Variants in ACSL5 observed in about 807,000 individuals in gnomAD.
ACSL5 encodes the protein acyl-CoA synthetase long chain family member 5.
In ACSL5, 50 loss-of-function variants were observed where a neutral mutation model predicts 84.9. The observed-to-expected ratio is 0.59, with a 90% confidence interval of 0.47 to 0.75. The LOEUF (loss-of-function observed/expected upper bound fraction) is 0.75. Ranked by LOEUF, ACSL5 falls within the 30% of genes least tolerant of loss-of-function variation. The pLI is 0.00. For missense variants in ACSL5, 775 were observed against 830.4 expected (o/e 0.93, Z 0.82); for synonymous variants, 280 against 300.7 (o/e 0.93, Z 0.71).
rs763966750 is a variant in ACSL5, at chr10:112,412,018, G to GTCC, written c.948+41_948+43dup. 6 of 1,543,960 alleles carry GTCC rather than the reference G, an allele frequency of 3.9e-6. No homozygotes were observed. In the African/African-American group the frequency reaches 5.4e-5, roughly 14 times the overall value. ...GTTCCTAGCAGTATGTGGCAAGGGG[G>GTCC]TCCTGACTTGCTATCACATGTTTAT... On this transcript the variant is annotated intron_variant, in intron 11 of 20. Coordinates refer to ENST00000354655, the MANE Select transcript of ACSL5 (RefSeq NM_203379.2).
At chr10:112,381,089 T>C (rs1265589214) in intron 1 of ACSL5, among the ~76,000 whole-genome samples, 1 of 152,146 alleles carries the variant, frequency 6.6e-6, no homozygotes, top group Non-Finnish European at 1.5e-5. Context: ...TCCTTGCCCC[T>C]GGAAAGAGAC....
intron 1 of ACSL5, among the ~76,000 whole-genome samples, chr10:112,388,744 G>A (rs1849501907): frequency 1.3e-5 from 2 of 152,166 alleles, no homozygotes; most frequent in African/African-American, 4.8e-5. Context: ...AGAGAACAAA[G>A]TCCATGACAC....
intron 18 of ACSL5, 114 bp downstream of exon 18, chr10:112,425,595 T>TAAA (rs71489969): frequency 0.012 from 6,230 of 536,354 alleles, 14 homozygotes; most frequent in Non-Finnish European, 0.013. Context: ...CTTATAAAAC[T>TAAA]AAAAAAAAAA....
intron 3 of ACSL5, among the ~76,000 whole-genome samples, chr10:112,401,786 C>CTCTTTCTTTCTTTCTTTCTTTCTTTCTT (rs1178224793): frequency 8.4e-6 from 1 of 119,394 alleles, no homozygotes; most frequent in Admixed American, 8.0e-5. Context: ...TTCTTTCTTT[C>CTCTTTCTTTCTTTCTTTCTTTCTTTCTT]TCTTTCTTTC....
chr10:112,381,213 T>C (rs1849341835), intron 1 of ACSL5, among the ~76,000 whole-genome samples: 1 of 152,150 alleles, frequency 6.6e-6, no homozygotes, highest in African/African-American at 2.4e-5. Flanking sequence ...TTCAAAACCA[T>C]GAGCTCACTG....
At chr10:112,420,711 C>A (rs571534670) in intron 14 of ACSL5, among the ~76,000 whole-genome samples, 5 of 151,666 alleles carry the variant, frequency 3.3e-5, no homozygotes, top group African/African-American at 1.2e-4. Context: ...ATTTTCTTTT[C>A]TTTTTTTTCT....
intron 12 of ACSL5, among the ~76,000 whole-genome samples, chr10:112,414,665 G>C (rs933462017): frequency 6.6e-6 from 1 of 152,078 alleles, no homozygotes; most frequent in African/African-American, 2.4e-5. Context: ...CATCGTGGCA[G>C]TTGGGAAACC....
At chr10:112,406,931 G>A (rs1564738166) in intron 5 of ACSL5, among the ~76,000 whole-genome samples, 1 of 152,140 alleles carries the variant, frequency 6.6e-6, no homozygotes, top group Non-Finnish European at 1.5e-5. Flanking sequence ...CCTAAGACCT[G>A]GAAGAAGAGG....
At chr10:112,404,596 T>G in intron 4 of ACSL5, 21 bp downstream of exon 4, 1 of 1,610,644 alleles carries the variant, frequency 6.2e-7, no homozygotes, top group Non-Finnish European at 8.5e-7. Flanking sequence ...TCCATGTTTT[T>G]AGACAGATTC....
In ACSL5 at chr10:112,404,793, A is replaced by C. The variant is rs1843992215; in HGVS notation, c.419A>C (p.Gln140Pro). 9.3e-6 allele frequency: 15 copies of C among 1,613,114 alleles called. No homozygotes were observed. Among genetic ancestry groups the C allele is most frequent in the Non-Finnish European group, 1.3e-5 (15 of 1,179,280 alleles). The change falls in exon 5 of 21, where the codon CAG becomes CCG. Residue 140 changes from glutamine to proline, a missense_variant. Gln to Pro is a moderately conservative substitution (Grantham distance 76). Coordinates refer to ENST00000354655, the MANE Select transcript of ACSL5 (RefSeq NM_203379.2). ...SPDQFVGIFA[Q>P]NRPEWIISEL... ...GACCAGTTTGTCGGCATCTTTGCTCAGAATAGGCCAGAGGTAACTATGTTG... is the reference window on the plus strand; with the variant it reads ...GACCAGTTTGTCGGCATCTTTGCTCCGAATAGGCCAGAGGTAACTATGTTG...
chr10:112,376,409 CA>C, intron 1 of ACSL5: 1 of 1,614,114 alleles, frequency 6.2e-7, no homozygotes, highest in Non-Finnish European at 8.5e-7. Context: ...GGGAAGCCCC[CA>C]TTCACTAGAA....
intron 1 of ACSL5, among the ~76,000 whole-genome samples, chr10:112,386,176 T>G (rs1849447284): frequency 7.1e-6 from 1 of 140,124 alleles, no homozygotes; most frequent in Admixed American, 7.8e-5. Context: ...AAAACTCCTA[T>G]AGCTCTTTTT....
intron 5 of ACSL5, among the ~76,000 whole-genome samples, chr10:112,405,943 G>A (rs574133265): frequency 6.6e-6 from 1 of 152,202 alleles, no homozygotes; most frequent in Non-Finnish European, 1.5e-5. Flanking sequence ...TACCTTGAGT[G>A]GGTTGAGGAG....
chr10:112,400,882 T>G (rs925281555), intron 3 of ACSL5, among the ~76,000 whole-genome samples: 3 of 152,106 alleles, frequency 2.0e-5, no homozygotes, highest in Non-Finnish European at 4.4e-5. Context: ...TTTTTAGAAG[T>G]TTTCTTTATT....
intron 7 of ACSL5, 184 bp from the exon 8 acceptor site, chr10:112,410,279 T>G: frequency 1.9e-6 from 3 of 1,542,734 alleles, no homozygotes; most frequent in Non-Finnish European, 2.6e-6. Context: ...TCTAGAGAAA[T>G]CTTATGCTCT....
rs180802684 is a variant in ACSL5, at chr10:112,419,353, T to G, written c.1314+1412T>G. Reference sequence around the variant, plus strand: ...TTGACATGTATATTTTATCCATGAATTATTCTATTACTTCCTTATAGAAAA... The same window carrying G: ...TTGACATGTATATTTTATCCATGAAGTATTCTATTACTTCCTTATAGAAAA... On this transcript the variant is annotated intron_variant, in intron 14 of 20. Coordinates refer to ENST00000354655, the MANE Select transcript of ACSL5 (RefSeq NM_203379.2). 1.4e-4 allele frequency: 21 copies of G among 152,322 alleles called. No homozygotes were observed. The East Asian group carries it at 4.1e-3, about 29-fold the overall frequency. 9.4% of individuals were successfully genotyped at this position (152,322 alleles called of 1,614,324 possible). A position where few individuals can be genotyped will look rare whatever the true frequency, so the allele number is the denominator to read the frequency against.
At position 112,420,807 on chromosome 10, in the gene ACSL5, C is replaced by T. The variant is rs1426377473; in HGVS notation, c.1315-786C>T. On this transcript the variant is annotated intron_variant, in intron 14 of 20. Coordinates refer to ENST00000354655, the MANE Select transcript of ACSL5 (RefSeq NM_203379.2). Reference sequence around the variant, plus strand: ...CACAATCTCGGCTTACTGCAACCTCCGCCTCCTGGGTTCAAGCAATTCTCC... The same window carrying T: ...CACAATCTCGGCTTACTGCAACCTCTGCCTCCTGGGTTCAAGCAATTCTCC... Among the ~76,000 whole-genome samples the T allele has an allele frequency of 2.7e-5, 4 of 150,788 alleles. No homozygotes were observed. The East Asian group carries it at 8.0e-4, about 30-fold the overall frequency.
intron 7 of ACSL5, 69 bp from the exon 8 acceptor site, chr10:112,410,394 A>G (rs1844150429): frequency 1.2e-6 from 2 of 1,609,900 alleles, no homozygotes; most frequent in Admixed American, 1.7e-5. Context: ...AGGGAGGGAG[A>G]GGGCCACATT....
chr10:112,402,521 A>T (rs1423374278), intron 3 of ACSL5, among the ~76,000 whole-genome samples: 2 of 152,202 alleles, frequency 1.3e-5, no homozygotes, highest in African/African-American at 4.8e-5. Context: ...CACTCTGACA[A>T]AGCCATGCTT....
Sources: allele counts gnomAD v4.1 joint callset (sites outside exome capture counted in the v4.1 genomes callset), GRCh38; gene constraint gnomAD v4.1.1; transcripts MANE v1.5; gene names NCBI Gene and HGNC (gene_info 2026-07-23, HGNC 2026-07-21).